The following ADGRE3 variants were observed in gnomAD, a reference collection of about 807,000 sequenced individuals.
ADGRE3 encodes the protein EGF-like module receptor 3.
A neutral mutation model predicts 80.1 loss-of-function variants in ADGRE3; 88 were observed. The observed-to-expected ratio is 1.10, with a 90% CI of 0.93 to 1.31. The LOEUF (loss-of-function observed/expected upper bound fraction) is 1.31, where lower values mean the gene tolerates loss of function less well. Ranked by LOEUF, ADGRE3 falls within the 40% of genes most tolerant of loss-of-function variation. The pLI is 0.00. For synonymous variants in ADGRE3, 281 were observed against 294.8 expected (o/e 0.95, Z 0.48); for missense variants, 715 against 776.5 (o/e 0.92, Z 0.94).
chr19:14,620,565 T>C lies in ADGRE3; in HGVS notation c.1921-1094A>G, dbSNP rs1568471648. Reference sequence around the variant, plus strand: ...TATATATATTATATATATATATATATATATTTTTTTTTTTTTTTTTTTTTT... The same window carrying C: ...TATATATATTATATATATATATATACATATTTTTTTTTTTTTTTTTTTTTT... On this transcript the variant is annotated intron_variant, in intron 15 of 15. Transcript: ENST00000253673. 1.0e-3 allele frequency among the ~76,000 whole-genome samples: 31 copies of C among 30,058 alleles called. 5 individuals carry two copies. The highest frequency in any genetic ancestry group is 3.8e-3 in the African/African-American group (27 of 7,082). 19.7% of individuals were successfully genotyped at this position (30,058 alleles called of 152,430 possible).
chr19:14,608,114 C>T, the ADGRE3 span, among the ~76,000 whole-genome samples: 1 of 151,760 alleles, frequency 6.6e-6, no homozygotes, highest in Non-Finnish European at 1.5e-5. Flanking sequence ...TCAAGCGATC[C>T]ACCCGCCTTA....
At chr19:14,615,400 G>C (rs538950992), downstream of ADGRE3, among the ~76,000 whole-genome samples, 24 of 151,954 alleles carry the variant, frequency 1.6e-4, no homozygotes, top group East Asian at 4.3e-3. Flanking sequence ...CCTGCCTAGA[G>C]AGATAGCCTG....
chr19:14,659,822 G>GGAAAAAA (rs576784578), intron 4 of ADGRE3, among the ~76,000 whole-genome samples: 8 of 44,840 alleles, frequency 1.8e-4, no homozygotes. Flanking sequence ...CTCTGCCTCT[G>GGAAAAAA]AAAAAAAAAA....
chr19:14,620,548 T>TATATTATATA lies in ADGRE3; in HGVS notation c.1921-1078_1921-1077insTATATAATAT. Among the ~76,000 whole-genome samples, 98 of 24,960 alleles carry TATATTATATA rather than the reference T, an allele frequency of 3.9e-3. 5 individuals are homozygous for TATATTATATA. The highest frequency in any genetic ancestry group is 5.2e-3 in the Non-Finnish European group (83 of 16,058). The allele number at this position is 24,960 out of a possible 152,430, so 16.4% of individuals were successfully genotyped here. ...TGAATATATATATTTTATATATATA[T>TATATTATATA]TATATATATATATATATATATTTTT... On this transcript the variant is annotated intron_variant, in intron 15 of 15. Transcript: ENST00000253673.
intron 8 of ADGRE3, among the ~76,000 whole-genome samples, chr19:14,646,652 T>C (rs1456007580): frequency 7.2e-6 from 1 of 139,380 alleles, no homozygotes; most frequent in Non-Finnish European, 1.5e-5. Flanking sequence ...CACTTCCCTC[T>C]CTCTCTTCCT....
chr19:14,647,079 C>T, intron 8 of ADGRE3, 102 bp downstream of exon 8: 2 of 891,444 alleles, frequency 2.2e-6, no homozygotes, highest in South Asian at 3.1e-5. Flanking sequence ...CTGACTACGA[C>T]CCTGAACAGA....
downstream of ADGRE3, among the ~76,000 whole-genome samples, chr19:14,615,199 C>CTTTTTTTTTTTTTTTTTTTTTTTTTT (rs1227946914): frequency 2.2e-5 from 2 of 91,024 alleles, 1 homozygote; most frequent in Non-Finnish European, 4.7e-5. Flanking sequence ...CTACAGCTGC[C>CTTTTTTTTTTTTTTTTTTTTTTTTTT]TTCTTTTTTT....
At chr19:14,620,552 A>ATATATATATAT (rs1568471542) in intron 15 of ADGRE3, among the ~76,000 whole-genome samples, 6 of 21,482 alleles carry the variant, frequency 2.8e-4, no homozygotes, top group African/African-American at 9.8e-4. Context: ...TATATATTAT[A>ATATATATATAT]TATATATATA....
chr19:14,632,803 A>G lies in ADGRE3; in HGVS notation c.1643+118T>C, dbSNP rs905128425. On this transcript the variant is annotated intron_variant, in intron 13 of 15. Coordinates refer to ENST00000253673, the MANE Select transcript of ADGRE3 (RefSeq NM_032571.5). ...GGTTCTCATTAACTGTGATGGTGGA[A>G]GATTACAGTGGTCTTGCTAGTCCTG... The G allele has an allele frequency of 4.8e-6, 3 of 623,964 alleles. No individual in the cohort carries two copies. The East Asian group carries it at 8.2e-5, about 17-fold the overall frequency. The allele number at this position is 623,964 out of a possible 1,614,324, so 38.7% of individuals were successfully genotyped here.
intron 5 of ADGRE3, among the ~76,000 whole-genome samples, chr19:14,656,064 G>A (rs1194711592): frequency 6.6e-6 from 1 of 151,994 alleles, no homozygotes; most frequent in Admixed American, 6.6e-5. Flanking sequence ...AAGAAAAGAG[G>A]GCAGGGTGCG....
intron 3 of ADGRE3, among the ~76,000 whole-genome samples, chr19:14,662,431 G>A (rs1382533055): frequency 6.6e-6 from 1 of 152,202 alleles, no homozygotes; most frequent in African/African-American, 2.4e-5. Flanking sequence ...TGTCATCCAT[G>A]CTGGAGTGCA....
rs571187467 is a variant in ADGRE3, at chr19:14,644,782, G to A, written c.883-507C>T. ...ATTCTGTCACCCAGGCTGGAGTGCC[G>A]TGACGCAATCACAGCTCACTGCCAC... On this transcript the variant is annotated intron_variant, in intron 8 of 15. Coordinates refer to ENST00000253673, the MANE Select transcript of ADGRE3 (RefSeq NM_032571.5). Among the ~76,000 whole-genome samples, 83 of 152,262 alleles carry A rather than the reference G, an allele frequency of 5.5e-4. 2 individuals carry two copies. The South Asian group carries it at 0.014, about 26-fold the overall frequency.
chr19:14,629,523 G>C (rs976358399), intron 14 of ADGRE3, among the ~76,000 whole-genome samples: 8 of 152,132 alleles, frequency 5.3e-5, no homozygotes, highest in African/African-American at 1.7e-4. Context: ...TTGCCCAGTA[G>C]GGTCTGCCTC....
At chr19:14,618,867 A>AT (rs2075099838), downstream of ADGRE3, among the ~76,000 whole-genome samples, 1 of 148,492 alleles carries the variant, frequency 6.7e-6, no homozygotes, top group Non-Finnish European at 1.5e-5. Context: ...AAAAAAAAAA[A>AT]AAAATTAGCC....
intron 6 of ADGRE3, among the ~76,000 whole-genome samples, chr19:14,652,170 ACC>A (rs1971623699): frequency 6.6e-6 from 1 of 152,144 alleles, no homozygotes; most frequent in African/African-American, 2.4e-5. Context: ...AAAAAAGGTA[ACC>A]ATGTGAGTGA....
intron 9 of ADGRE3, among the ~76,000 whole-genome samples, chr19:14,643,206 T>C (rs1008662389): frequency 1.3e-5 from 2 of 149,264 alleles, no homozygotes; most frequent in Admixed American, 1.4e-4. Context: ...AGTTCAGTGG[T>C]GTGATCTCGG....
chr19:14,606,657 G>C, the ADGRE3 span, among the ~76,000 whole-genome samples: 1 of 149,852 alleles, frequency 6.7e-6, no homozygotes, highest in Non-Finnish European at 1.5e-5. Flanking sequence ...TCCAGCCTGG[G>C]TGACAGAGCG....
chr19:14,654,116 C>A (rs929900405), intron 6 of ADGRE3, among the ~76,000 whole-genome samples: 4 of 132,020 alleles, frequency 3.0e-5, no homozygotes, highest in African/African-American at 1.1e-4. Context: ...CCACGCCCCG[C>A]TAATTTCTGT....
At chr19:14,670,091 T>A (rs1251568355) in intron 1 of ADGRE3, among the ~76,000 whole-genome samples, 1 of 152,218 alleles carries the variant, frequency 6.6e-6, no homozygotes, top group Non-Finnish European at 1.5e-5. Context: ...TGTTTTGTTA[T>A]CACTCTTGGT....
Sources: gnomAD v4.1 joint callset for allele counts (sites outside exome capture counted in the v4.1 genomes callset) on GRCh38, gnomAD v4.1.1 for gene constraint, MANE v1.5 for transcripts, NCBI Gene and HGNC (gene_info 2026-07-23, HGNC 2026-07-21) for gene names.